The following MAU2 variants were observed in gnomAD, a reference collection of about 807,000 sequenced individuals.
MAU2 encodes MAU2 sister chromatid cohesion factor, also known as MAU2 chromatid cohesion factor homolog.
A neutral mutation model predicts 89.1 loss-of-function variants in MAU2; 9 were observed. The ratio of observed to expected loss-of-function variants is 0.10; its 90% CI spans 0.06 to 0.18. The LOEUF is 0.18. Ranked by LOEUF, MAU2 falls within the 10% of genes least tolerant of loss-of-function variation. The probability of loss-of-function intolerance (pLI) is 1.00; values close to 1 mark genes in which losing one functional copy is unlikely to be tolerated. For synonymous variants in MAU2, 357 were observed against 343.4 expected, an observed-to-expected ratio of 1.04 and a Z score of -0.44; for missense variants, 425 against 803.5, an observed-to-expected ratio of 0.53 and a Z score of 5.69.
At chr19:19,347,025 T>C in intron 12 of MAU2, 3 of 483,264 alleles carry the variant, frequency 6.2e-6, no homozygotes, top group East Asian at 3.7e-5. Context: ...CGACATGTTC[T>C]GAGGGTAGGA....
intron 1 of MAU2, chr19:19,321,631 G>A (rs2061457865): frequency 6.5e-6 from 1 of 153,228 alleles, no homozygotes; most frequent in South Asian, 2.0e-4. Context: ...CAGGAACCTG[G>A]AAGGGCATGA....
At chr19:19,333,301 G>A (rs139794860) in intron 1 of MAU2, among the ~76,000 whole-genome samples, 11 of 152,198 alleles carry the variant, frequency 7.2e-5, no homozygotes, top group Non-Finnish European at 8.8e-5. Flanking sequence ...TCTGGGCGGC[G>A]TAGCCAGACC....
Position 19,342,198 on chromosome 19 carries a change from G to A in MAU2, c.736-337G>A, listed in dbSNP as rs1169862136. Among the ~76,000 whole-genome samples the A allele has an allele frequency of 2.0e-5, 3 of 152,132 alleles. 1 individual carries two copies. The highest frequency in any genetic ancestry group is 7.2e-5 in the African/African-American group (3 of 41,438). ...GGAAGCCACCTCCCACCCCCTCAGAGCACAGCCTCCCCCTGCCGTCTCAGG... is the reference window on the plus strand; with the variant it reads ...GGAAGCCACCTCCCACCCCCTCAGAACACAGCCTCCCCCTGCCGTCTCAGG... On this transcript the variant is annotated intron_variant, in intron 7 of 18. Transcript: ENST00000262815.
At chr19:19,354,321 C>G (rs1301149098) in intron 16 of MAU2, 34 bp from the exon 17 acceptor site, 1 of 1,561,592 alleles carries the variant, frequency 6.4e-7, no homozygotes, top group Admixed American at 1.7e-5. Flanking sequence ...GGGGTCCAGG[C>G]TCCTCACTCC....
intron 1 of MAU2, among the ~76,000 whole-genome samples, chr19:19,325,146 T>C (rs897704123): frequency 6.6e-6 from 1 of 152,128 alleles, no homozygotes; most frequent in African/African-American, 2.4e-5. Flanking sequence ...CTCTCTGCTG[T>C]TCTTTTTATT....
chr19:19,348,117 G>T (rs1405221176), intron 13 of MAU2: 4 of 154,274 alleles, frequency 2.6e-5, no homozygotes, highest in African/African-American at 9.6e-5. Context: ...TGTAATCCCA[G>T]CACTTTGGGA....
In MAU2 at chr19:19,358,177, C is replaced by T. The variant is rs536233479; in HGVS notation, c.*2395C>T. 6.6e-6 allele frequency: 1 copy of T among 152,284 alleles called. No homozygotes were observed. The highest frequency in any genetic ancestry group is 2.1e-4 in the South Asian group (1 of 4,826). 9.4% of individuals were successfully genotyped at this position (152,284 alleles called of 1,614,324 possible). A position where few individuals can be genotyped will look rare whatever the true frequency, so the allele number is the denominator to read the frequency against. ...AAGTGTCTAGGAAAAAACAAAAACT[C>T]CAAACCCTTCAGTGGATGAGGACAA... On this transcript the variant is annotated 3_prime_UTR_variant, in exon 19 of 19. Transcript: ENST00000262815.
intron 1 of MAU2, 46 bp from the exon 2 acceptor site, chr19:19,335,672 C>G (rs748361277): frequency 2.7e-5 from 43 of 1,608,916 alleles, no homozygotes; most frequent in Middle Eastern, 1.6e-4. Context: ...TAACCAGGTG[C>G]CAGGTGTTTG....
At chr19:19,354,025 T>C (rs1568669234) in intron 16 of MAU2, 1 of 356,566 alleles carries the variant, frequency 2.8e-6, no homozygotes, top group Non-Finnish European at 5.4e-6. Flanking sequence ...TCTGCATTTC[T>C]GATCAGCCCC....
chr19:19,351,276 G>A (rs2146708311), intron 16 of MAU2, among the ~76,000 whole-genome samples: 1 of 151,568 alleles, frequency 6.6e-6, no homozygotes, highest in South Asian at 2.1e-4. Context: ...TTGAACTCCT[G>A]AGCTCAAGCG....
At chr19:19,334,522 G>T (rs1256336440) in intron 1 of MAU2, 1 of 985,776 alleles carries the variant, frequency 1.0e-6, no homozygotes, top group Non-Finnish European at 1.2e-6. Context: ...TGGATCTCCA[G>T]GCCTCACTGG....
At chr19:19,336,326 G>C (rs529821554) in intron 3 of MAU2, 139 bp downstream of exon 3, 1 of 628,888 alleles carries the variant, frequency 1.6e-6, no homozygotes, top group Non-Finnish European at 2.8e-6. Flanking sequence ...GGGAGGACAG[G>C]GTCTCACTCT....
chr19:19,325,471 C>G (rs2061496581), intron 1 of MAU2, among the ~76,000 whole-genome samples: 1 of 151,944 alleles, frequency 6.6e-6, no homozygotes, highest in Non-Finnish European at 1.5e-5. Context: ...CCACCACACC[C>G]AGCCTATTTT....
intron 7 of MAU2, among the ~76,000 whole-genome samples, chr19:19,342,330 A>G (rs551718172): frequency 6.6e-6 from 1 of 152,196 alleles, no homozygotes; most frequent in African/African-American, 2.4e-5. Context: ...TCAGTCCCAC[A>G]GCTGCCCGCC....
intron 1 of MAU2, among the ~76,000 whole-genome samples, chr19:19,322,613 TA>T (rs1174258843): frequency 2.6e-5 from 4 of 151,970 alleles, no homozygotes; most frequent in Non-Finnish European, 5.9e-5. Flanking sequence ...AAAAAGATAA[TA>T]AGGAAAAAAT....
At chr19:19,349,485 C>G (rs773284822) in intron 16 of MAU2, 49 bp downstream of exon 16, 63 of 1,539,146 alleles carry the variant, frequency 4.1e-5, no homozygotes, top group Non-Finnish European at 3.0e-5. Context: ...TGGGGCTTGG[C>G]TGAGGGACAG....
intron 10 of MAU2, chr19:19,344,222 G>A (rs1408261558): frequency 1.0e-5 from 4 of 386,114 alleles, no homozygotes; most frequent in Non-Finnish European, 1.9e-5. Flanking sequence ...GACCAGCCTG[G>A]CCAACATGGC....
intron 10 of MAU2, 92 bp downstream of exon 10, chr19:19,344,032 T>C: frequency 9.8e-7 from 1 of 1,016,572 alleles, no homozygotes; most frequent in South Asian, 1.3e-5. Flanking sequence ...AAGTGCATAC[T>C]GGCAGGCCAG....
At chr19:19,335,267 C>T (rs1461394946) in intron 1 of MAU2, among the ~76,000 whole-genome samples, 1 of 152,232 alleles carries the variant, frequency 6.6e-6, no homozygotes, top group East Asian at 1.9e-4. Context: ...CCTTGCCCCC[C>T]AAGACCCATT....
Sources: allele counts gnomAD v4.1 joint callset (sites outside exome capture counted in the v4.1 genomes callset), GRCh38; gene constraint gnomAD v4.1.1; transcripts MANE v1.5; gene names NCBI Gene and HGNC (gene_info 2026-07-23, HGNC 2026-07-21).